CD44: variants seen among roughly 807,000 people sequenced by gnomAD.
CD44 encodes the protein CD44 antigen.
In CD44, 49 loss-of-function variants were observed where a neutral mutation model predicts 88.8. The observed-to-expected ratio is 0.55, with a 90% confidence interval of 0.44 to 0.70. CD44 has a LOEUF of 0.70. CD44 is among the 30% of genes least tolerant of loss of function. The pLI is 0.00. For synonymous variants in CD44, 325 were observed against 312.3 expected, an observed-to-expected ratio of 1.04 and a Z score of -0.43; for missense variants, 883 against 913.8, an observed-to-expected ratio of 0.97 and a Z score of 0.43.
At chr11:35,228,741 T>C (rs1361403378) in intron 17 of CD44, among the ~76,000 whole-genome samples, 2 of 152,200 alleles carry the variant, frequency 1.3e-5, no homozygotes, top group Admixed American at 1.3e-4. Context: ...GTTGCTGGTT[T>C]GCAAACTTGA....
At chr11:35,216,027 A>T (rs1192881407) in intron 15 of CD44, among the ~76,000 whole-genome samples, 1 of 151,540 alleles carries the variant, frequency 6.6e-6, no homozygotes, top group Admixed American at 6.6e-5. Flanking sequence ...ACTAAGGCTC[A>T]GAGAAGGTAA....
chr11:35,154,011 C>A (rs893567639), intron 1 of CD44, among the ~76,000 whole-genome samples: 13 of 152,298 alleles, frequency 8.5e-5, no homozygotes, highest in Middle Eastern at 3.4e-3. Flanking sequence ...GGAAGAAAAT[C>A]ATGAGAACCT....
intron 17 of CD44, 73 bp from the exon 18 acceptor site, chr11:35,229,056 C>A: frequency 1.7e-6 from 2 of 1,193,356 alleles, no homozygotes; most frequent in Non-Finnish European, 2.5e-6. Context: ...AATGATGGTG[C>A]TCAGTAAGGA....
intron 17 of CD44, among the ~76,000 whole-genome samples, chr11:35,226,627 C>T (rs974214541): frequency 1.1e-4 from 16 of 151,930 alleles, no homozygotes; most frequent in Non-Finnish European, 1.9e-4. Context: ...TTTCCTTACC[C>T]CGCATAAGAG....
chr11:35,196,913 G>C (rs753634571), intron 6 of CD44, 39 bp downstream of exon 6: 130 of 1,597,744 alleles, frequency 8.1e-5, no homozygotes, highest in Non-Finnish European at 1.1e-4. Flanking sequence ...ATGTTTTCTT[G>C]ACAGCCTTGA....
At chr11:35,198,634 C>T (rs1946991722) in intron 7 of CD44, 1 of 162,782 alleles carries the variant, frequency 6.1e-6, no homozygotes, top group Non-Finnish European at 1.3e-5. Flanking sequence ...TTCAGAAGCT[C>T]ATGGTCTGTT....
rs11600650 is a variant in CD44 at position 35,202,213 on chromosome 11, C to T, written c.1153+426C>T. On this transcript the variant is annotated intron_variant, in intron 9 of 17. Transcript: ENST00000428726. ...TTTGATGAATACAGTGTCTTTTTTG[C>T]ATTCTGTCCCTGACTGTTCTATAGA... is the stretch of plus-strand genomic sequence containing the variant. Among the ~76,000 whole-genome samples the T allele has an allele frequency of 6.2e-3, 945 of 152,098 alleles. 7 individuals are homozygous for T. The highest frequency in any genetic ancestry group is 0.01 in the Middle Eastern group (3 of 294).
In CD44 at chr11:35,158,017, A is replaced by G. The variant is rs182116355; in HGVS notation, c.68-18558A>G. ...ATAGTTTCTGATGATATAGGAAAGG[A>G]GCCCGATTATCTGTTTGAGCTTCCT... is the stretch of plus-strand genomic sequence containing the variant. On this transcript the variant is annotated intron_variant, in intron 1 of 17. Coordinates refer to ENST00000428726, the MANE Select transcript of CD44 (RefSeq NM_000610.4). Among the ~76,000 whole-genome samples the G allele has an allele frequency of 2.4e-4, 36 of 152,286 alleles. No homozygotes were observed. The East Asian group carries it at 5.4e-3, about 23-fold the overall frequency.
chr11:35,180,487 A>T, intron 3 of CD44, 80 bp downstream of exon 3: 1 of 1,465,740 alleles, frequency 6.8e-7, no homozygotes, highest in Non-Finnish European at 9.5e-7. Context: ...GTGGGGATTC[A>T]TGTAGCCTCC....
intron 15 of CD44, among the ~76,000 whole-genome samples, chr11:35,215,663 C>T (rs1309466611): frequency 6.6e-6 from 1 of 152,034 alleles, no homozygotes; most frequent in African/African-American, 2.4e-5. Flanking sequence ...GCAGGTGGAT[C>T]ACGAGGTCAG....
chr11:35,163,105 T>C (rs1394069975), intron 1 of CD44, among the ~76,000 whole-genome samples: 1 of 152,164 alleles, frequency 6.6e-6, no homozygotes, highest in East Asian at 1.9e-4. Context: ...CATCACTTCA[T>C]TGCTAATATA....
At chr11:35,151,110 T>C (rs353622) in intron 1 of CD44, among the ~76,000 whole-genome samples, 47,945 of 151,798 alleles carry the variant, frequency 0.32, 7,837 homozygotes, top group African/African-American at 0.4. Context: ...GAAAAGAAGA[T>C]AGACAGAGAG....
At chr11:35,201,824 G>T (rs1440849432) in intron 9 of CD44, 37 bp downstream of exon 9, 2 of 1,606,718 alleles carry the variant, frequency 1.2e-6, no homozygotes, top group Non-Finnish European at 1.7e-6. Flanking sequence ...TGGGTTAGAT[G>T]AATTAGTAAA....
intron 17 of CD44, chr11:35,223,001 T>A: frequency 1.0e-6 from 1 of 985,390 alleles, no homozygotes. Flanking sequence ...TCTCTAATTA[T>A]CTGAGAAAAT....
intron 1 of CD44, among the ~76,000 whole-genome samples, chr11:35,166,865 A>G (rs1943332588): frequency 6.6e-6 from 1 of 152,240 alleles, no homozygotes; most frequent in Admixed American, 6.5e-5. Context: ...CTCAAGACTC[A>G]TGGTCTGCAC....
intron 1 of CD44, among the ~76,000 whole-genome samples, chr11:35,148,171 C>T (rs1040734338): frequency 2.0e-5 from 3 of 152,126 alleles, no homozygotes; most frequent in African/African-American, 7.2e-5. Flanking sequence ...CTTAGAAGGG[C>T]ATTTCTGCCC....
chr11:35,229,048 T>C, intron 17 of CD44, 81 bp from the exon 18 acceptor site: 1 of 1,139,296 alleles, frequency 8.8e-7, no homozygotes, highest in African/African-American at 1.5e-5. Flanking sequence ...TGATCATCAA[T>C]GATGGTGCTC....
At chr11:35,200,978 G>C in intron 7 of CD44, 104 bp from the exon 8 acceptor site, 1 of 831,242 alleles carries the variant, frequency 1.2e-6, no homozygotes, top group Non-Finnish European at 2.1e-6. Context: ...ACCTGGTATA[G>C]ATGATTCATT....
intron 1 of CD44, among the ~76,000 whole-genome samples, chr11:35,168,681 C>T (rs891534263): frequency 6.6e-6 from 1 of 152,334 alleles, no homozygotes; most frequent in South Asian, 2.1e-4. Flanking sequence ...TCAGGCACAC[C>T]TGGGTGGCTC....
Sources: allele counts gnomAD v4.1 joint callset (sites outside exome capture counted in the v4.1 genomes callset), GRCh38; gene constraint gnomAD v4.1.1; transcripts MANE v1.5; gene names NCBI Gene and HGNC (gene_info 2026-07-23, HGNC 2026-07-21).